Variants in SORT1 observed in about 807,000 individuals in gnomAD.
SORT1 encodes the protein sortilin.
Under a neutral mutation model 101.7 loss-of-function variants are expected in SORT1, and 39 were observed. The observed-to-expected ratio is 0.38, with a 90% CI of 0.30 to 0.50. The LOEUF (loss-of-function observed/expected upper bound fraction) is 0.50, where lower values mean the gene tolerates loss of function less well. Among genes scored for constraint, SORT1 ranks in the 20% least tolerant of loss-of-function variants. The probability of loss-of-function intolerance (pLI) is 0.90; values close to 1 mark genes in which losing one functional copy is unlikely to be tolerated. For synonymous variants in SORT1, 396 were observed against 393.7 expected, an observed-to-expected ratio of 1.01 and a Z score of -0.07; for missense variants, 878 against 1,040.4, an observed-to-expected ratio of 0.84 and a Z score of 2.15.
intron 11 of SORT1, among the ~76,000 whole-genome samples, chr1:109,335,392 A>G (rs972435614): frequency 6.6e-6 from 1 of 152,174 alleles, no homozygotes; most frequent in African/African-American, 2.4e-5. Flanking sequence ...GATGGGAAAC[A>G]GGGGTCAGAA....
chr1:109,317,767 C>A, intron 16 of SORT1, 86 bp downstream of exon 16: 1 of 923,756 alleles, frequency 1.1e-6, no homozygotes, highest in Non-Finnish European at 1.7e-6. Flanking sequence ...TAAAGTAGGG[C>A]TTGGATCTCA....
At chr1:109,330,260 A>T (rs10735238) in intron 11 of SORT1, among the ~76,000 whole-genome samples, 110,433 of 152,114 alleles carry the variant, frequency 0.73, 40,366 homozygotes, top group East Asian at 0.96. Context: ...CCCAAAGTGC[A>T]AGGATTATAG....
intron 13 of SORT1, among the ~76,000 whole-genome samples, chr1:109,326,001 C>CAATAAATA (rs949984940): frequency 6.7e-6 from 1 of 150,252 alleles, no homozygotes; most frequent in Non-Finnish European, 1.5e-5. Context: ...AACTCCATCT[C>CAATAAATA]AATAAATAAA....
At chr1:109,347,026 G>A (rs991464347) in intron 7 of SORT1, among the ~76,000 whole-genome samples, 6 of 152,180 alleles carry the variant, frequency 3.9e-5, no homozygotes, top group African/African-American at 1.2e-4. Context: ...GGCCTTGGGT[G>A]TTTTCTTCTC....
intron 17 of SORT1, 71 bp from the exon 18 acceptor site, chr1:109,314,849 C>T (rs563951296): frequency 7.1e-5 from 53 of 750,890 alleles, no homozygotes; most frequent in Admixed American, 5.9e-4. Context: ...AAGGCAGCCA[C>T]TCATTCCCCT....
chr1:109,314,276 A>G lies in SORT1; in HGVS notation c.2466T>C (p.His822=). 2 of 1,613,670 alleles carry G rather than the reference A, an allele frequency of 1.2e-6. No homozygotes were observed. Among genetic ancestry groups the G allele is most frequent in the Admixed American group, 1.7e-5 (1 of 59,972 alleles). The change falls in exon 19 of 20, where the codon CAT becomes CAC. Residue 822 remains histidine (H), a synonymous_variant. Transcript: ENST00000256637. ...ATAGCCTCACCTCATCTGAGTCATC[A>G]TGATAACCACTTTTATTAGTGTGGG... The part of the protein sequence containing the change: ...TASHTNKSGY[H]DDSDEDLLE
chr1:109,357,452 T>C (rs1055780865), intron 3 of SORT1, among the ~76,000 whole-genome samples: 5 of 152,206 alleles, frequency 3.3e-5, no homozygotes, highest in South Asian at 2.1e-4. Context: ...ATTTCACAGA[T>C]GAGGAGTTGC....
intron 15 of SORT1, among the ~76,000 whole-genome samples, chr1:109,320,632 C>G (rs971117351): frequency 6.6e-6 from 1 of 152,228 alleles, no homozygotes; most frequent in African/African-American, 2.4e-5. Context: ...ACAAGGCCTT[C>G]TTTGACCCAC....
At chr1:109,378,218 CAG>C (rs1651981869) in intron 1 of SORT1, among the ~76,000 whole-genome samples, 4 of 151,986 alleles carry the variant, frequency 2.6e-5, no homozygotes, top group Admixed American at 2.0e-4. Flanking sequence ...GTCTGGAAAA[CAG>C]AGAGAGACCC....
intron 2 of SORT1, among the ~76,000 whole-genome samples, chr1:109,369,213 T>C (rs1344589566): frequency 6.6e-6 from 1 of 152,170 alleles, no homozygotes; most frequent in Non-Finnish European, 1.5e-5. Flanking sequence ...TCCCAGCTCC[T>C]TGGGAGGCTG....
At chr1:109,372,272 G>A (rs1391897658) in intron 1 of SORT1, among the ~76,000 whole-genome samples, 2 of 152,178 alleles carry the variant, frequency 1.3e-5, no homozygotes, top group African/African-American at 4.8e-5. Flanking sequence ...ATGTATTACA[G>A]CACTTTTAAT....
intron 15 of SORT1, among the ~76,000 whole-genome samples, chr1:109,320,835 G>A (rs930717871): frequency 2.6e-5 from 4 of 152,194 alleles, no homozygotes; most frequent in African/African-American, 9.7e-5. Context: ...TTAGGAGAGA[G>A]GGTATGGAGA....
Position 109,311,055 on chromosome 1 carries a change from C to A in SORT1, c.*2988G>T, listed in dbSNP as rs1323732648. The A allele has an allele frequency of 6.6e-6, 1 of 152,216 alleles. No individual in the cohort carries two copies. The highest frequency in any genetic ancestry group is 1.5e-5 in the Non-Finnish European group (1 of 68,054). 9.4% of individuals were successfully genotyped at this position (152,216 alleles called of 1,614,324 possible). A position where few individuals can be genotyped will look rare whatever the true frequency, so the allele number is the denominator to read the frequency against. ...TGATCTATGGACTCTCCTGAGCCCG[C>A]CCCCAGAACTGCCGCAACTCTCCAA... is the stretch of plus-strand genomic sequence containing the variant. On this transcript the variant is annotated 3_prime_UTR_variant, in exon 20 of 20. Coordinates refer to ENST00000256637, the MANE Select transcript of SORT1 (RefSeq NM_002959.7).
intron 8 of SORT1, 130 bp downstream of exon 8, chr1:109,345,621 C>T (rs1207531902): frequency 4.7e-6 from 4 of 858,970 alleles, no homozygotes; most frequent in Non-Finnish European, 7.2e-6. Context: ...AGAATCACCC[C>T]TAACACTCAC....
chr1:109,368,990 A>T (rs1425393711), intron 2 of SORT1, among the ~76,000 whole-genome samples: 1 of 152,170 alleles, frequency 6.6e-6, no homozygotes, highest in East Asian at 1.9e-4. Flanking sequence ...AGGACTGAAA[A>T]GGTGTCCATC....
At chr1:109,331,955 C>CA (rs1432041768) in intron 11 of SORT1, among the ~76,000 whole-genome samples, 6 of 108,450 alleles carry the variant, frequency 5.5e-5, no homozygotes, top group South Asian at 2.7e-4. Context: ...AAAAAAAAAA[C>CA]AAAAAAAACT....
chr1:109,333,360 C>T (rs1331877944), intron 11 of SORT1, among the ~76,000 whole-genome samples: 1 of 152,116 alleles, frequency 6.6e-6, no homozygotes, highest in Non-Finnish European at 1.5e-5. Flanking sequence ...TGGGCAATGG[C>T]TTTTTGGATA....
intron 1 of SORT1, 197 bp downstream of exon 1, chr1:109,397,390 A>G (rs566442604): frequency 1.2e-3 from 205 of 169,474 alleles, no homozygotes; most frequent in African/African-American, 4.6e-3. Flanking sequence ...TGCCTCCCCT[A>G]TGACAAAACA....
intron 1 of SORT1, among the ~76,000 whole-genome samples, chr1:109,382,803 T>C (rs1300742405): frequency 6.6e-6 from 1 of 152,162 alleles, no homozygotes; most frequent in Non-Finnish European, 1.5e-5. Context: ...GGACAGCTTG[T>C]ACTACCTTCT....
Sources: gnomAD v4.1 joint callset for allele counts (sites outside exome capture counted in the v4.1 genomes callset) on GRCh38, gnomAD v4.1.1 for gene constraint, MANE v1.5 for transcripts, NCBI Gene and HGNC (gene_info 2026-07-23, HGNC 2026-07-21) for gene names.